RYR2: variants seen among roughly 807,000 people sequenced by gnomAD.
RYR2 encodes ryanodine receptor 2, also known as cardiac muscle ryanodine receptor-calcium release channel.
In RYR2, 227 loss-of-function variants were observed where a neutral mutation model predicts 601.1. The observed-to-expected ratio is 0.38, with a 90% CI of 0.34 to 0.42. The LOEUF is 0.42. Ranked by LOEUF, RYR2 falls within the 10% of genes least tolerant of loss-of-function variation. The pLI is 1.00. For synonymous variants in RYR2, 2,223 were observed against 2,175.1 expected (o/e 1.02, Z -0.61); for missense variants, 4,646 against 6,156.5 (o/e 0.75, Z 8.21).
In RYR2 at chr1:237,548,456, C is replaced by G. The variant is rs758286810; in HGVS notation, c.2932C>G (p.Pro978Ala). 3 of 1,613,794 alleles carry G rather than the reference C, an allele frequency of 1.9e-6. No homozygotes were observed. The highest frequency in any genetic ancestry group is 2.7e-5 in the African/African-American group (2 of 74,908). ...TTACCAGCTGACAAGTGGATACAAG[C>G]CTGCCCCTATGGACCTGAGCTTTAT... ...KNYQLTSGYK[P>A]APMDLSFIKL... Residue 978 changes from proline to alanine, a missense_variant, in exon 26 of 105, where the codon CCT (proline) becomes GCT (alanine). By Grantham distance (27) the Pro-to-Ala change is conservative. Around this residue, in one of 17 missense-constraint regions of RYR2, gnomAD observed 1,807 missense variants for 2,088.1 expected, o/e 0.87. Transcript: ENST00000366574.
chr1:237,715,458 A>G (rs1002521033), intron 71 of RYR2, among the ~76,000 whole-genome samples: 1 of 152,254 alleles, frequency 6.6e-6, no homozygotes, highest in Non-Finnish European at 1.5e-5. Flanking sequence ...GGTGGAAAGC[A>G]AAATTATTGT....
At chr1:237,490,312 T>C (rs142737036) in intron 17 of RYR2, among the ~76,000 whole-genome samples, 1 of 152,196 alleles carries the variant, frequency 6.6e-6, no homozygotes, top group Non-Finnish European at 1.5e-5. Flanking sequence ...AACCTGCCCA[T>C]GTATCCCTTG....
chr1:237,791,543 T>C, intron 93 of RYR2, 28 bp downstream of exon 93: 1 of 1,126,188 alleles, frequency 8.9e-7, no homozygotes, highest in Non-Finnish European at 1.3e-6. Context: ...TTTTAATTAC[T>C]GGTATAAAAC....
At chr1:237,428,119 G>T (rs1274635524) in intron 12 of RYR2, among the ~76,000 whole-genome samples, 1 of 152,192 alleles carries the variant, frequency 6.6e-6, no homozygotes, top group South Asian at 2.1e-4. Flanking sequence ...TGGTGAGGCT[G>T]TGGAGAAACA....
intron 88 of RYR2, among the ~76,000 whole-genome samples, chr1:237,779,911 C>G (rs551859727): frequency 7.9e-5 from 12 of 152,140 alleles, no homozygotes; most frequent in Non-Finnish European, 1.5e-4. Context: ...TGAAAAGTTA[C>G]AAAAGGTTCA....
At chr1:237,484,341 A>G (rs1662444432) in intron 17 of RYR2, among the ~76,000 whole-genome samples, 1 of 152,162 alleles carries the variant, frequency 6.6e-6, no homozygotes, top group Admixed American at 6.5e-5. Context: ...AAACAGTTGT[A>G]ACCATAGATG....
intron 29 of RYR2, among the ~76,000 whole-genome samples, chr1:237,569,707 C>G (rs1672463759): frequency 6.6e-6 from 1 of 152,174 alleles, no homozygotes; most frequent in Non-Finnish European, 1.5e-5. Flanking sequence ...GGATCAGGTA[C>G]TTTGCTGGAT....
At chr1:237,654,217 A>G in intron 51 of RYR2, 57 bp from the exon 52 acceptor site, 2 of 1,587,778 alleles carry the variant, frequency 1.3e-6, no homozygotes, top group Non-Finnish European at 1.7e-6. Context: ...GAGAAATGAA[A>G]AAAAAATATA....
chr1:237,538,876 G>A (rs532617525), intron 25 of RYR2, among the ~76,000 whole-genome samples: 1 of 152,340 alleles, frequency 6.6e-6, no homozygotes, highest in Non-Finnish European at 1.5e-5. Flanking sequence ...TTTTAAAGGA[G>A]AGAGGTGGTG....
rs1658971221 is a variant in RYR2 at position 237,795,351 on chromosome 1, TC to T, written c.13956+21del. 1 of 1,276,852 alleles carries T rather than the reference TC, an allele frequency of 7.8e-7. No individual in the cohort carries two copies. The highest frequency in any genetic ancestry group is 1.1e-6 in the Non-Finnish European group (1 of 910,570). 79.1% of individuals were successfully genotyped at this position (1,276,852 alleles called of 1,614,324 possible). ...AGAAAGGTAATATTACTTGGAATCCTCTACATTTTTCTTAAAGCACAGTTTA... is the reference window on the plus strand; with the variant it reads ...AGAAAGGTAATATTACTTGGAATCCTTACATTTTTCTTAAAGCACAGTTTA... On this transcript the variant is annotated intron_variant, in intron 96 of 104. Coordinates refer to ENST00000366574, the MANE Select transcript of RYR2 (RefSeq NM_001035.3).
At chr1:237,107,060 G>C (rs1217113604) in intron 1 of RYR2, among the ~76,000 whole-genome samples, 1 of 152,104 alleles carries the variant, frequency 6.6e-6, no homozygotes, top group Non-Finnish European at 1.5e-5. Flanking sequence ...AAGGCCATAT[G>C]GGGGAAATAA....
intron 1 of RYR2, among the ~76,000 whole-genome samples, chr1:237,157,139 T>C (rs947937871): frequency 1.3e-5 from 2 of 151,048 alleles, no homozygotes; most frequent in African/African-American, 4.9e-5. Context: ...CTACTGAAAA[T>C]ACAAAAATTA....
intron 3 of RYR2, among the ~76,000 whole-genome samples, chr1:237,337,836 T>C (rs982120818): frequency 3.3e-5 from 5 of 152,204 alleles, no homozygotes; most frequent in Non-Finnish European, 7.3e-5. Context: ...CTATAGTTGC[T>C]CTATGGCCGC....
intron 25 of RYR2, among the ~76,000 whole-genome samples, chr1:237,538,954 A>G (rs1668964375): frequency 6.6e-6 from 1 of 152,150 alleles, no homozygotes; most frequent in African/African-American, 2.4e-5. Context: ...CAAGGGACTT[A>G]GTACTGACTG....
At chr1:237,535,281 C>T (rs1453317704) in intron 25 of RYR2, among the ~76,000 whole-genome samples, 1 of 151,708 alleles carries the variant, frequency 6.6e-6, no homozygotes, top group Non-Finnish European at 1.5e-5. Flanking sequence ...GGGAAAAAGA[C>T]TCTGAAAAGA....
intron 17 of RYR2, among the ~76,000 whole-genome samples, chr1:237,470,534 A>G (rs1660604495): frequency 6.6e-6 from 1 of 152,202 alleles, no homozygotes; most frequent in Admixed American, 6.5e-5. Context: ...CAGAAGTAAG[A>G]TAGAAATGGA....
At chr1:237,515,476 G>A (rs984003293) in intron 24 of RYR2, among the ~76,000 whole-genome samples, 3 of 152,144 alleles carry the variant, frequency 2.0e-5, no homozygotes, top group African/African-American at 7.2e-5. Flanking sequence ...TGAAGGATGG[G>A]AGGAATAGTA....
chr1:237,264,411 C>T (rs1354632480), intron 1 of RYR2, among the ~76,000 whole-genome samples: 2 of 152,106 alleles, frequency 1.3e-5, no homozygotes, highest in African/African-American at 4.8e-5. Flanking sequence ...CCTTATTTGG[C>T]CAATCCTCAG....
chr1:237,323,591 T>A (rs1695852032), intron 2 of RYR2, among the ~76,000 whole-genome samples: 1 of 152,204 alleles, frequency 6.6e-6, no homozygotes, highest in Admixed American at 6.5e-5. Flanking sequence ...GGATGTTGTA[T>A]TATGAAAGAT....
Sources: allele counts gnomAD v4.1 joint callset (sites outside exome capture counted in the v4.1 genomes callset), GRCh38; gene constraint gnomAD v4.1.1; regional missense constraint gnomAD v4.1.1; transcripts MANE v1.5; gene names NCBI Gene and HGNC (gene_info 2026-07-23, HGNC 2026-07-21).